BRWD3: variants seen among roughly 807,000 people sequenced by gnomAD.
BRWD3 encodes the protein bromodomain and WD repeat-containing protein 3.
In BRWD3, 10 loss-of-function variants were observed where a neutral mutation model predicts 149.7. The ratio of observed to expected loss-of-function variants is 0.07; its 90% CI spans 0.04 to 0.11. BRWD3 has a LOEUF of 0.11. Ranked by LOEUF, BRWD3 falls within the 10% of genes least tolerant of loss-of-function variation. The pLI, the probability that BRWD3 is intolerant of heterozygous loss-of-function variation, is 1.00. For missense variants in BRWD3, 940 were observed against 1,373.2 expected (o/e 0.68, Z 4.99); for synonymous variants, 504 against 456.7 (o/e 1.10, Z -1.32).
At chrX:80,792,090 T>C in intron 5 of BRWD3, 138 bp from the exon 6 acceptor site, 1 of 467,563 alleles carries the variant, frequency 2.1e-6, no homozygotes, top group Non-Finnish European at 3.7e-6. Flanking sequence ...ATAATAGGCA[T>C]ATATTTGAAC....
chrX:80,715,153 A>C (rs1476902018), intron 20 of BRWD3, among the ~76,000 whole-genome samples: 1 of 110,518 alleles, frequency 9.0e-6, no homozygotes, highest in Non-Finnish European at 1.9e-5. Context: ...ATGTTTGATA[A>C]AATCAGCTTA....
intron 6 of BRWD3, among the ~76,000 whole-genome samples, chrX:80,749,850 A>G (rs758981863): frequency 8.9e-6 from 1 of 111,956 alleles, no homozygotes; most frequent in Non-Finnish European, 1.9e-5. Context: ...TGTATGATAA[A>G]GCTTATTTAA....
chrX:80,738,016 G>C (rs1412265956), intron 8 of BRWD3, among the ~76,000 whole-genome samples: 3 of 112,537 alleles, frequency 2.7e-5, no homozygotes, highest in Non-Finnish European at 5.6e-5. Flanking sequence ...GACAGAGATT[G>C]TATGACATGC....
At chrX:80,750,526 A>C (rs965743149) in intron 6 of BRWD3, among the ~76,000 whole-genome samples, 2 of 111,639 alleles carry the variant, frequency 1.8e-5, no homozygotes, top group African/African-American at 6.5e-5. Context: ...GAACAATGAT[A>C]TATCACTTCA....
chrX:80,692,031 T>C, intron 29 of BRWD3, 53 bp from the exon 30 acceptor site: 1 of 1,183,369 alleles, frequency 8.5e-7, no homozygotes. Context: ...TCCAATATCA[T>C]GTGATTACCA....
At chrX:80,794,541 C>A (rs1375399738) in intron 4 of BRWD3, among the ~76,000 whole-genome samples, 2 of 108,842 alleles carry the variant, frequency 1.8e-5, no homozygotes, top group Admixed American at 1.0e-4. Context: ...ATATATATAT[C>A]TCTATATGTA....
At chrX:80,790,561 C>A (rs901431031) in intron 6 of BRWD3, among the ~76,000 whole-genome samples, 1 of 110,643 alleles carries the variant, frequency 9.0e-6, no homozygotes, top group Non-Finnish European at 1.9e-5. Context: ...GAATAACAAA[C>A]GGATTCAAAT....
intron 6 of BRWD3, among the ~76,000 whole-genome samples, chrX:80,760,153 T>C (rs1384882479): frequency 8.9e-6 from 1 of 112,078 alleles, no homozygotes; most frequent in African/African-American, 3.2e-5. Context: ...CCTTAATGTT[T>C]TCTCTTGTGA....
At chrX:80,725,423 G>GTGA (rs2073203076) in intron 14 of BRWD3, among the ~76,000 whole-genome samples, 1 of 111,939 alleles carries the variant, frequency 8.9e-6, no homozygotes, top group African/African-American at 3.2e-5. Context: ...TTCTGACACA[G>GTGA]TGATAAATAC....
intron 5 of BRWD3, among the ~76,000 whole-genome samples, chrX:80,792,749 C>T (rs142938137): frequency 0.027 from 2,947 of 110,948 alleles, 39 homozygotes; most frequent in Non-Finnish European, 0.042. Flanking sequence ...ATCTTTAATG[C>T]CTAATTTTAC....
intron 6 of BRWD3, among the ~76,000 whole-genome samples, chrX:80,786,978 GA>G: frequency 9.3e-6 from 1 of 107,943 alleles, no homozygotes; most frequent in South Asian, 3.9e-4. Flanking sequence ...AATCTCAAGG[GA>G]AAAAAGTCAT....
At position 80,747,484 on chromosome X, in the gene BRWD3, A is replaced by C. The variant is rs773974950; in HGVS notation, c.431-1755T>G. On this transcript the variant is annotated intron_variant, in intron 6 of 40. Transcript: ENST00000373275. Reference sequence around the variant, plus strand: ...CACTGCTTGCAGTATAAAAGCAAAAAACATCATTACCAATAGAAGGGGAAA... The same window carrying C: ...CACTGCTTGCAGTATAAAAGCAAAACACATCATTACCAATAGAAGGGGAAA... Among the ~76,000 whole-genome samples the C allele has an allele frequency of 1.0e-4, 10 of 99,465 alleles. No homozygotes were observed. In the South Asian group the frequency reaches 5.2e-3, roughly 52 times the overall value. The allele number at this position is 99,465 out of a possible 115,157, so 86.4% of individuals were successfully genotyped here.
rs759232888 is a variant in BRWD3 at position 80,669,645 on chromosome X, G to A, written c.*6964C>T. ...TAAAAGCCAAGGGAGGAGGGAACAC[G>A]TTAGCAGTTTCCTTGACTTAAATTA... On this transcript the variant is annotated 3_prime_UTR_variant, in exon 41 of 41. Coordinates refer to ENST00000373275, the MANE Select transcript of BRWD3 (RefSeq NM_153252.5). Among the ~76,000 whole-genome samples, 18 of 110,939 alleles carry A rather than the reference G, an allele frequency of 1.6e-4. No homozygotes were observed. Among genetic ancestry groups the A allele is most frequent in the Admixed American group, 6.7e-4 (7 of 10,406 alleles).
chrX:80,798,791 G>A (rs993921697), intron 4 of BRWD3, among the ~76,000 whole-genome samples: 2 of 111,559 alleles, frequency 1.8e-5, no homozygotes, highest in Admixed American at 1.9e-4. Context: ...TTTGTTAAGA[G>A]TATAATTCAA....
At position 80,747,853 on chromosome X, in the gene BRWD3, C is replaced by G. The variant is rs187229672; in HGVS notation, c.431-2124G>C. Among the ~76,000 whole-genome samples, 223 of 111,847 alleles carry G rather than the reference C, an allele frequency of 2.0e-3. 1 individual carries two copies. The highest frequency in any genetic ancestry group is 1.4e-3 in the East Asian group (5 of 3,550). On this transcript the variant is annotated intron_variant, in intron 6 of 40. Transcript: ENST00000373275. Reference sequence around the variant, plus strand: ...TTTGGTGGATTTTTAGGGTTTTCTACATATAAGATCATGTCATCAGAAAAC... The same window carrying G: ...TTTGGTGGATTTTTAGGGTTTTCTAGATATAAGATCATGTCATCAGAAAAC...
chrX:80,752,646 T>C (rs905369985), intron 6 of BRWD3, among the ~76,000 whole-genome samples: 1 of 112,032 alleles, frequency 8.9e-6, no homozygotes, highest in Non-Finnish European at 1.9e-5. Context: ...ATTTCTGTGA[T>C]AATTAGTGAT....
chrX:80,711,634 A>C (rs944289869), intron 20 of BRWD3, among the ~76,000 whole-genome samples: 1 of 111,977 alleles, frequency 8.9e-6, no homozygotes, highest in African/African-American at 3.2e-5. Flanking sequence ...GAAAAAAGCT[A>C]CCTAGAGGCT....
intron 6 of BRWD3, among the ~76,000 whole-genome samples, chrX:80,749,476 C>A (rs2073637327): frequency 9.0e-6 from 1 of 111,482 alleles, no homozygotes. Context: ...TTTTTAAATT[C>A]TCTTATATCT....
Position 80,690,030 on chromosome X carries a change from T to C in BRWD3, c.3665A>G (p.Glu1222Gly). The C allele has an allele frequency of 8.3e-7, 1 of 1,205,605 alleles. No individual in the cohort carries two copies. The highest frequency in any genetic ancestry group is 1.1e-6 in the Non-Finnish European group (1 of 890,240). ...TGCTTTAACTATAGGACTGTCTGGC[T>C]CATTGAAAGTCCTGGCATTATGTTC... ...YIEHNARTFN[E>G]PDSPIVKAAK... Residue 1222 changes from glutamate (E) to glycine (G), a missense_variant, in exon 32 of 41, where the codon GAG becomes GGG. By Grantham distance (98) the Glu-to-Gly change is moderately conservative (BLOSUM62 -2). Around this residue, in one of 6 missense-constraint regions of BRWD3, gnomAD observed 349 missense variants for 419.6 expected, o/e 0.83. Coordinates refer to ENST00000373275, the MANE Select transcript of BRWD3 (RefSeq NM_153252.5).
Sources: allele counts gnomAD v4.1 joint callset (sites outside exome capture counted in the v4.1 genomes callset), GRCh38; gene constraint gnomAD v4.1.1; regional missense constraint gnomAD v4.1.1; transcripts MANE v1.5; gene names NCBI Gene and HGNC (gene_info 2026-07-23, HGNC 2026-07-21).